Variants in PDE4D observed in about 807,000 individuals in gnomAD.
PDE4D encodes phosphodiesterase 4D, also known as 3',5'-cyclic-AMP phosphodiesterase 4D.
Under a neutral mutation model 87.4 loss-of-function variants are expected in PDE4D, and 24 were observed. The ratio of observed to expected loss-of-function variants is 0.27; its 90% CI spans 0.20 to 0.39. The LOEUF (loss-of-function observed/expected upper bound fraction) is 0.39, where lower values mean the gene tolerates loss of function less well. Among genes scored for constraint, PDE4D ranks in the 10% least tolerant of loss-of-function variants. PDE4D has a pLI of 1.00. For synonymous variants in PDE4D, 384 were observed against 383.2 expected (o/e 1.00, Z -0.02); for missense variants, 714 against 1,041.0 (o/e 0.69, Z 4.32).
chr5:59,248,536 T>C (rs1759324180), intron 1 of PDE4D, among the ~76,000 whole-genome samples: 1 of 152,014 alleles, frequency 6.6e-6, no homozygotes, highest in African/African-American at 2.4e-5. Flanking sequence ...CAAGAAAAGG[T>C]AAAAGTTTCT....
At chr5:60,352,324 C>G (rs1253877096) in intron 1 of PDE4D, among the ~76,000 whole-genome samples, 2 of 152,166 alleles carry the variant, frequency 1.3e-5, no homozygotes, top group Non-Finnish European at 2.9e-5. Flanking sequence ...TGGAGACTGA[C>G]TAGGATGCAC....
intron 1 of PDE4D, among the ~76,000 whole-genome samples, chr5:60,393,386 G>C (rs1259222233): frequency 6.6e-6 from 1 of 152,122 alleles, no homozygotes; most frequent in Non-Finnish European, 1.5e-5. Context: ...TGACAGTAAG[G>C]GTCTAAGAGG....
intron 1 of PDE4D, among the ~76,000 whole-genome samples, chr5:59,732,436 GCA>G (rs1325863016): frequency 6.4e-5 from 8 of 124,180 alleles, no homozygotes; most frequent in African/African-American, 2.8e-4. Context: ...ACTCACTCAC[GCA>G]CAGAGAGAAA....
At chr5:59,249,781 G>A in intron 1 of PDE4D, among the ~76,000 whole-genome samples, 1 of 151,998 alleles carries the variant, frequency 6.6e-6, no homozygotes. Flanking sequence ...TGATTATTTG[G>A]GAGTGTGTTG....
chr5:60,053,508 A>G (rs147543136), intron 2 of PDE4D, among the ~76,000 whole-genome samples: 2,998 of 152,286 alleles, frequency 0.02, 57 homozygotes, highest in Non-Finnish European at 0.031. Context: ...CTGAAACTGG[A>G]CCCCTTCCTT....
At chr5:60,421,556 C>T (rs552666128) in intron 1 of PDE4D, among the ~76,000 whole-genome samples, 14 of 152,252 alleles carry the variant, frequency 9.2e-5, no homozygotes, top group African/African-American at 3.4e-4. Context: ...CATGAAAGAC[C>T]AAAGGTTGAT....
intron 1 of PDE4D, among the ~76,000 whole-genome samples, chr5:59,252,845 A>C (rs1760240703): frequency 6.6e-6 from 1 of 152,096 alleles, no homozygotes; most frequent in African/African-American, 2.4e-5. Flanking sequence ...TCTAGATTTT[A>C]AATGCCAAAG....
At chr5:59,216,774 T>C (rs144600609) in intron 1 of PDE4D, 1 of 158,728 alleles carries the variant, frequency 6.3e-6, no homozygotes, top group Non-Finnish European at 1.4e-5. Flanking sequence ...CAAATCCCCT[T>C]TCCCCTGCCT....
chr5:59,390,958 G>A (rs780249799), intron 1 of PDE4D, among the ~76,000 whole-genome samples: 5 of 152,238 alleles, frequency 3.3e-5, no homozygotes, highest in Non-Finnish European at 5.9e-5. Flanking sequence ...AAAATACGTG[G>A]ATGTGCCTCT....
chr5:59,632,492 G>C (rs1282596255), intron 1 of PDE4D, among the ~76,000 whole-genome samples: 1 of 152,238 alleles, frequency 6.6e-6, no homozygotes. Flanking sequence ...ATACAGGAGA[G>C]TTCTGGCTGG....
At chr5:59,812,545 T>C (rs1285633809) in intron 1 of PDE4D, among the ~76,000 whole-genome samples, 4 of 151,966 alleles carry the variant, frequency 2.6e-5, no homozygotes, top group Non-Finnish European at 5.9e-5. Flanking sequence ...TGGTGGCGCA[T>C]GCCTGTAATC....
At chr5:60,517,016 AC>A (rs751334810) in intron 1 of PDE4D, among the ~76,000 whole-genome samples, 1 of 151,330 alleles carries the variant, frequency 6.6e-6, no homozygotes, top group African/African-American at 2.4e-5. Flanking sequence ...AGCCCAGGAA[AC>A]CCCCCTACCC....
chr5:60,179,426 A>G (rs1338745236), intron 2 of PDE4D, among the ~76,000 whole-genome samples: 5 of 152,142 alleles, frequency 3.3e-5, no homozygotes, highest in African/African-American at 1.2e-4. Context: ...AGTATTGAAC[A>G]CAATTGATTA....
chr5:59,519,161 A>G (rs1366132423), intron 1 of PDE4D, among the ~76,000 whole-genome samples: 1 of 151,898 alleles, frequency 6.6e-6, no homozygotes, highest in Non-Finnish European at 1.5e-5. Flanking sequence ...TTTAGCAAAT[A>G]TTCATTGAGC....
At chr5:60,231,459 T>C (rs1745801330) in intron 1 of PDE4D, among the ~76,000 whole-genome samples, 2 of 151,928 alleles carry the variant, frequency 1.3e-5, no homozygotes, top group South Asian at 4.1e-4. Flanking sequence ...AACTGAGCTG[T>C]GCAATGGAAA....
chr5:59,973,845 A>T (rs1030703215), intron 3 of PDE4D, among the ~76,000 whole-genome samples: 4 of 152,158 alleles, frequency 2.6e-5, no homozygotes, highest in Admixed American at 2.6e-4. Context: ...TTAAACAAAC[A>T]AACAAAAAAA....
At chr5:59,565,437 T>C (rs1248731345) in intron 1 of PDE4D, among the ~76,000 whole-genome samples, 1 of 152,140 alleles carries the variant, frequency 6.6e-6, no homozygotes, top group African/African-American at 2.4e-5. Context: ...GAGGATGCCT[T>C]GAGCTCAGGA....
chr5:60,501,300 T>G (rs1300322910), intron 1 of PDE4D, among the ~76,000 whole-genome samples: 1 of 152,064 alleles, frequency 6.6e-6, no homozygotes, highest in Non-Finnish European at 1.5e-5. Flanking sequence ...GATTTCCAAT[T>G]TCATCCATGT....
intron 1 of PDE4D, among the ~76,000 whole-genome samples, chr5:59,372,622 GACCTGTGCCTGCCACC>G (rs1403647957): frequency 6.6e-6 from 1 of 152,108 alleles, no homozygotes; most frequent in South Asian, 2.1e-4. Flanking sequence ...AAGGCATTCA[GACCTGTGCCTGCCACC>G]ACCCTACCCC....
Sources: allele counts gnomAD v4.1 joint callset (sites outside exome capture counted in the v4.1 genomes callset), GRCh38; gene constraint gnomAD v4.1.1; transcripts MANE v1.5; gene names NCBI Gene and HGNC (gene_info 2026-07-23, HGNC 2026-07-21).